The following FBXW11 variants were observed in gnomAD, a reference collection of about 807,000 sequenced individuals.
FBXW11 encodes F-box and WD repeat domain containing 11, also known as F-box/WD repeat-containing protein 11.
In FBXW11, 19 loss-of-function variants were observed where a neutral mutation model predicts 77.6. That is an observed-to-expected ratio of 0.24 (90% CI 0.17 to 0.36). The LOEUF is 0.36. FBXW11 is among the 10% of genes least tolerant of loss of function. The pLI is 1.00. For missense variants in FBXW11, 334 were observed against 704.2 expected, an observed-to-expected ratio of 0.47 and a Z score of 5.95; for synonymous variants, 235 against 249.4, an observed-to-expected ratio of 0.94 and a Z score of 0.54.
At chr5:171,923,762 T>TA (rs1761723912) in intron 2 of FBXW11, among the ~76,000 whole-genome samples, 2 of 151,838 alleles carry the variant, frequency 1.3e-5, no homozygotes, top group African/African-American at 4.8e-5. Context: ...GTCTCTGAAA[T>TA]AGAGATGTTT....
intron 2 of FBXW11, among the ~76,000 whole-genome samples, chr5:171,953,129 C>T (rs1430373423): frequency 1.3e-5 from 2 of 152,076 alleles, no homozygotes; most frequent in Non-Finnish European, 2.9e-5. Context: ...GCCACCATGT[C>T]CACCTAATTT....
At chr5:171,947,698 T>C (rs1038074525) in intron 2 of FBXW11, among the ~76,000 whole-genome samples, 11 of 152,108 alleles carry the variant, frequency 7.2e-5, no homozygotes, top group African/African-American at 2.4e-4. Flanking sequence ...GACAATGAAA[T>C]TGCAGTTATT....
chr5:171,897,586 A>T (rs1234391980), intron 6 of FBXW11, among the ~76,000 whole-genome samples: 1 of 152,226 alleles, frequency 6.6e-6, no homozygotes, highest in Non-Finnish European at 1.5e-5. Context: ...AACAGCAGTC[A>T]TGAGGATTCA....
At position 171,922,052 on chromosome 5, in the gene FBXW11, G is replaced by A. The variant is rs927471395; in HGVS notation, c.148-7647C>T. ...ACACCAAGCAACAGTACATAAAGGG[G>A]AAAAGTTGGAAACAAACAAACAAGG... On this transcript the variant is annotated intron_variant, in intron 2 of 13. Transcript: ENST00000517395. Among the ~76,000 whole-genome samples the A allele has an allele frequency of 6.2e-5, 7 of 112,258 alleles. No individual in the cohort carries two copies. In the Admixed American group the frequency reaches 6.9e-4, roughly 11 times the overall value. 73.6% of individuals were successfully genotyped at this position (112,258 alleles called of 152,430 possible). A position where few individuals can be genotyped will look rare whatever the true frequency, so the allele number is the denominator to read the frequency against.
At chr5:171,930,630 G>A (rs1458966181) in intron 2 of FBXW11, among the ~76,000 whole-genome samples, 5 of 151,498 alleles carry the variant, frequency 3.3e-5, no homozygotes, top group African/African-American at 1.2e-4. Context: ...AGAGACCTTT[G>A]TTCACTTGTT....
chr5:171,978,639 G>C (rs1476130107), intron 1 of FBXW11, among the ~76,000 whole-genome samples: 18 of 152,154 alleles, frequency 1.2e-4, no homozygotes, highest in Admixed American at 1.0e-3. Flanking sequence ...ATTTGCCATG[G>C]ACAGTATGCA....
At position 171,914,507 on chromosome 5, in the gene FBXW11, C is replaced by G. The variant is rs1554099897; in HGVS notation, c.148-102G>C. 22 of 966,012 alleles carry G rather than the reference C, an allele frequency of 2.3e-5. No individual in the cohort carries two copies. The South Asian group carries it at 3.8e-4, about 17-fold the overall frequency. The allele number at this position is 966,012 out of a possible 1,614,324, so 59.8% of individuals were successfully genotyped here. On this transcript the variant is annotated intron_variant, in intron 2 of 13. Transcript: ENST00000517395. The stretch of plus-strand genomic sequence containing the variant: ...AAACCCAAACTAGAGTGTACCAATA[C>G]AAACCCAAGAACTATTTGGCTTTGT...
At chr5:171,882,025 T>C (rs1230661604) in intron 7 of FBXW11, among the ~76,000 whole-genome samples, 1 of 152,224 alleles carries the variant, frequency 6.6e-6, no homozygotes, top group Non-Finnish European at 1.5e-5. Flanking sequence ...CATCTTTTGG[T>C]TTCCTTACCT....
Position 171,910,757 on chromosome 5 carries a change from C to T in FBXW11, c.251G>A (p.Arg84Lys). Reference sequence around the variant, plus strand: ...TTTTTGATAGTTTCCTTCTGATGGCCTCTTTCTGGAGACGATCACAGATGA... The same window carrying T: ...TTTTTGATAGTTTCCTTCTGATGGCTTCTTTCTGGAGACGATCACAGATGA... ...GTSSVIVSRK[R>K]PSEGNYQKEK... Residue 84 changes from arginine to lysine, a missense_variant, in exon 4 of 14, where the codon AGG becomes AAG. Coordinates refer to ENST00000517395, the MANE Select transcript of FBXW11 (RefSeq NM_001378974.1). 4 of 1,612,178 alleles carry T rather than the reference C, an allele frequency of 2.5e-6. No individual in the cohort carries two copies. The highest frequency in any genetic ancestry group is 2.5e-6 in the Non-Finnish European group (3 of 1,179,260).
At chr5:171,955,765 C>T (rs995160017) in intron 2 of FBXW11, among the ~76,000 whole-genome samples, 22 of 151,870 alleles carry the variant, frequency 1.4e-4, no homozygotes, top group African/African-American at 5.1e-4. Context: ...ATACTCTACA[C>T]GTCTCTAAAG....
chr5:171,977,696 A>G (rs1000998963), intron 1 of FBXW11: 1 of 429,840 alleles, frequency 2.3e-6, no homozygotes, highest in South Asian at 1.7e-5. Context: ...AGCAGGTCAC[A>G]TCTTAAGTAG....
At chr5:171,874,191 T>C (rs1232364835) in intron 9 of FBXW11, among the ~76,000 whole-genome samples, 22 of 152,174 alleles carry the variant, frequency 1.4e-4, no homozygotes, top group Admixed American at 1.4e-3. Flanking sequence ...TACCAATTTT[T>C]AAAGTGGGCA....
intron 1 of FBXW11, among the ~76,000 whole-genome samples, chr5:171,998,721 C>T (rs1022159220): frequency 1.4e-5 from 2 of 147,158 alleles, no homozygotes; most frequent in African/African-American, 5.0e-5. Flanking sequence ...CACTTGAACC[C>T]GGGAGACAGA....
intron 1 of FBXW11, among the ~76,000 whole-genome samples, chr5:171,991,056 C>CCT (rs758918753): frequency 4.6e-5 from 7 of 152,074 alleles, no homozygotes; most frequent in Non-Finnish European, 1.0e-4. Context: ...GAACTCCTAA[C>CCT]CTCAGGTGAT....
At chr5:171,932,041 A>ATT (rs1317446328) in intron 2 of FBXW11, among the ~76,000 whole-genome samples, 1 of 151,842 alleles carries the variant, frequency 6.6e-6, no homozygotes, top group Non-Finnish European at 1.5e-5. Flanking sequence ...TACGTGGCTA[A>ATT]TTTTTGTATA....
intron 5 of FBXW11, among the ~76,000 whole-genome samples, chr5:171,899,545 T>C (rs1561663227): frequency 6.6e-6 from 1 of 152,200 alleles, no homozygotes; most frequent in African/African-American, 2.4e-5. Flanking sequence ...ATCACTGTTA[T>C]TACTTCCTCA....
chr5:171,997,454 T>C (rs1049481635), intron 1 of FBXW11, among the ~76,000 whole-genome samples: 45 of 152,234 alleles, frequency 3.0e-4, no homozygotes, highest in African/African-American at 1.1e-3. Context: ...AAAAGAATGA[T>C]ACGAGAGGGC....
chr5:171,914,354 T>C lies in FBXW11; in HGVS notation c.199A>G (p.Thr67Ala), dbSNP rs3210686. ...GCCGTCATTCCTACCTGCCAAAGAG[T>C]ATTTTTCTTTGGGGACTCATCTTCA... Reference protein sequence around the residue: ...QNEDESPKKNTLWQISNGTSS... With the variant: ...QNEDESPKKNALWQISNGTSS... The change falls in exon 3 of 14, where the codon ACT (threonine) becomes GCT (alanine). Residue 67 changes from threonine (T) to alanine (A), a missense_variant. Transcript: ENST00000517395. The C allele has an allele frequency of 1.2e-6, 2 of 1,604,534 alleles. No individual in the cohort carries two copies. Among genetic ancestry groups the C allele is most frequent in the African/African-American group, 2.7e-5 (2 of 74,606 alleles).
intron 9 of FBXW11, among the ~76,000 whole-genome samples, chr5:171,874,289 GA>G (rs1275201318): frequency 6.6e-6 from 1 of 152,136 alleles, no homozygotes; most frequent in African/African-American, 2.4e-5. Flanking sequence ...AGTAACAAGG[GA>G]ATGCAAAGCA....
Sources: allele counts gnomAD v4.1 joint callset (sites outside exome capture counted in the v4.1 genomes callset), GRCh38; gene constraint gnomAD v4.1.1; transcripts MANE v1.5; gene names NCBI Gene and HGNC (gene_info 2026-07-23, HGNC 2026-07-21).